Variants in RAB6A observed in about 807,000 individuals in gnomAD.
RAB6A encodes RAB6A, member RAS oncogene family.
RAB6A carries 8 observed loss-of-function variants against 32.3 expected under a neutral mutation model. The ratio of observed to expected loss-of-function variants is 0.25; its 90% CI spans 0.15 to 0.45. The LOEUF is 0.45. Ranked by LOEUF, RAB6A falls within the 20% of genes least tolerant of loss-of-function variation. The probability of loss-of-function intolerance (pLI) is 1.00; values close to 1 mark genes in which losing one functional copy is unlikely to be tolerated. For missense variants in RAB6A, 104 were observed against 249.4 expected, an observed-to-expected ratio of 0.42 and a Z score of 3.93; for synonymous variants, 73 against 82.1, an observed-to-expected ratio of 0.89 and a Z score of 0.60.
chr11:73,711,552 G>T (rs1317449957), intron 5 of RAB6A, among the ~76,000 whole-genome samples: 1 of 152,146 alleles, frequency 6.6e-6, no homozygotes. Context: ...ATTACAAATA[G>T]TGCTAGGTAT....
chr11:73,693,943 A>T (rs984168082), intron 6 of RAB6A, among the ~76,000 whole-genome samples: 9 of 152,072 alleles, frequency 5.9e-5, no homozygotes, highest in African/African-American at 2.2e-4. Context: ...TAACTTTGAA[A>T]GTTATTAGAA....
At chr11:73,734,869 C>A (rs771218094) in intron 1 of RAB6A, among the ~76,000 whole-genome samples, 1 of 152,104 alleles carries the variant, frequency 6.6e-6, no homozygotes, top group Non-Finnish European at 1.5e-5. Flanking sequence ...TATCTCTTAA[C>A]CAAAATGCTC....
At chr11:73,748,668 T>G (rs372366346) in intron 1 of RAB6A, among the ~76,000 whole-genome samples, 1 of 152,188 alleles carries the variant, frequency 6.6e-6, no homozygotes, top group East Asian at 1.9e-4. Context: ...TTCTATACAT[T>G]TAAATTTTTC....
At chr11:73,747,262 G>A in intron 1 of RAB6A, among the ~76,000 whole-genome samples, 1 of 151,030 alleles carries the variant, frequency 6.6e-6, no homozygotes, top group East Asian at 1.9e-4. Context: ...CTGGAGTGCA[G>A]TGGTGCGATC....
intron 1 of RAB6A, among the ~76,000 whole-genome samples, chr11:73,740,753 T>C (rs1460185037): frequency 6.6e-6 from 1 of 152,006 alleles, no homozygotes; most frequent in Admixed American, 6.6e-5. Flanking sequence ...CCAGGCGTGA[T>C]GGCATGCGCC....
Position 73,676,452 on chromosome 11 carries a change from T to A in RAB6A, c.*1446A>T, listed in dbSNP as rs1174967946. 6.0e-6 allele frequency: 1 copy of A among 165,898 alleles called. No homozygotes were observed. The highest frequency in any genetic ancestry group is 1.5e-5 in the Non-Finnish European group (1 of 67,900). The allele number at this position is 165,898 out of a possible 1,614,324, so 10.3% of individuals were successfully genotyped here. A position where few individuals can be genotyped will look rare whatever the true frequency, so the allele number is the denominator to read the frequency against. ...TGCCATGGTGAAGCTCTAAATAGAT[T>A]CAACGAAACATCTGAAGATTGAAAG... On this transcript the variant is annotated 3_prime_UTR_variant, in exon 8 of 8. Transcript: ENST00000336083.
At chr11:73,736,524 G>C (rs930976883) in intron 1 of RAB6A, among the ~76,000 whole-genome samples, 5 of 151,792 alleles carry the variant, frequency 3.3e-5, no homozygotes, top group Admixed American at 3.3e-4. Flanking sequence ...GCGCGGTGTG[G>C]CTCACGCCTG....
intron 6 of RAB6A, among the ~76,000 whole-genome samples, chr11:73,700,221 A>G (rs1945719121): frequency 6.6e-6 from 1 of 152,236 alleles, no homozygotes; most frequent in South Asian, 2.1e-4. Flanking sequence ...GGTGAAGGCT[A>G]AAGTAATCAC....
chr11:73,752,920 A>G (rs1946689809), intron 1 of RAB6A, among the ~76,000 whole-genome samples: 2 of 152,042 alleles, frequency 1.3e-5, no homozygotes, highest in African/African-American at 4.8e-5. Context: ...AAGCTTAAGG[A>G]AATGAAAGAG....
chr11:73,701,854 A>G (rs1945750963), intron 6 of RAB6A, among the ~76,000 whole-genome samples: 1 of 151,988 alleles, frequency 6.6e-6, no homozygotes, highest in Non-Finnish European at 1.5e-5. Context: ...TTGCCCAAGC[A>G]GGTCTCAATT....
At chr11:73,742,759 G>A (rs959110109) in intron 1 of RAB6A, among the ~76,000 whole-genome samples, 5 of 151,938 alleles carry the variant, frequency 3.3e-5, no homozygotes, top group Admixed American at 1.3e-4. Flanking sequence ...GCAGTGAATC[G>A]AGATTGCCCC....
At chr11:73,707,125 G>GAAA (rs397744539) in intron 6 of RAB6A, among the ~76,000 whole-genome samples, 8 of 116,250 alleles carry the variant, frequency 6.9e-5, no homozygotes, top group South Asian at 2.8e-4. Flanking sequence ...TCTCAAAAAA[G>GAAA]AAAAAAAAAA....
intron 1 of RAB6A, among the ~76,000 whole-genome samples, chr11:73,746,548 T>C (rs577769779): frequency 1.2e-4 from 18 of 151,952 alleles, no homozygotes; most frequent in Non-Finnish European, 2.1e-4. Context: ...GGCAGGAGGA[T>C]CAGTTGAGCA....
intron 5 of RAB6A, among the ~76,000 whole-genome samples, chr11:73,715,518 TA>T (rs1212388348): frequency 6.6e-6 from 1 of 152,242 alleles, no homozygotes; most frequent in Non-Finnish European, 1.5e-5. Flanking sequence ...ACACTTGAAT[TA>T]ATATCACAAG....
Position 73,760,626 on chromosome 11 carries a change from C to T in RAB6A, c.10G>A (p.Gly4Ser), listed in dbSNP as rs1946830830. Residue 4 changes from glycine to serine, a missense_variant, in exon 1 of 8, where the codon GGC becomes AGC. This residue lies in a region of RAB6A where 48 missense variants were observed against 155.2 expected (regional missense o/e 0.31). Coordinates refer to ENST00000336083, the MANE Select transcript of RAB6A (RefSeq NM_198896.2). ...CTCAGCGGATTCCCGAAGTCTCCGC[C>T]CGTGGACATTGTGGAACTAGAGGAG... MST[G>S]GDFGNPLRKF... 1 of 1,610,668 alleles carries T rather than the reference C, an allele frequency of 6.2e-7. No homozygotes were observed. The highest frequency in any genetic ancestry group is 8.5e-7 in the Non-Finnish European group (1 of 1,178,588).
At chr11:73,678,659 T>C (rs981385895) in intron 7 of RAB6A, among the ~76,000 whole-genome samples, 1 of 151,322 alleles carries the variant, frequency 6.6e-6, no homozygotes, top group African/African-American at 2.4e-5. Context: ...TTCAACTCAA[T>C]AGAACATTTT....
intron 2 of RAB6A, among the ~76,000 whole-genome samples, chr11:73,723,411 C>T (rs1467871524): frequency 3.3e-5 from 5 of 152,072 alleles, no homozygotes; most frequent in African/African-American, 7.2e-5. Flanking sequence ...CTGCAACCTC[C>T]GCCTCCTAGG....
intron 6 of RAB6A, among the ~76,000 whole-genome samples, chr11:73,683,838 C>A (rs1240128358): frequency 1.3e-5 from 2 of 152,186 alleles, no homozygotes; most frequent in Admixed American, 6.5e-5. Flanking sequence ...AAGGCATGTG[C>A]CACTGCGACT....
intron 1 of RAB6A, among the ~76,000 whole-genome samples, chr11:73,739,284 A>AAAAAAAATATATAT (rs1208877325): frequency 3.0e-4 from 2 of 6,752 alleles, no homozygotes; most frequent in Non-Finnish European, 3.4e-4. Flanking sequence ...AAAAAAAAAA[A>AAAAAAAATATATAT]ATATATATAT....
Sources: allele counts gnomAD v4.1 joint callset (sites outside exome capture counted in the v4.1 genomes callset), GRCh38; gene constraint gnomAD v4.1.1; regional missense constraint gnomAD v4.1.1; transcripts MANE v1.5; gene names NCBI Gene and HGNC (gene_info 2026-07-23, HGNC 2026-07-21).